POLR3G: variants seen among roughly 807,000 people sequenced by gnomAD.
POLR3G encodes the protein DNA-directed RNA polymerase III subunit RPC7.
A neutral mutation model predicts 30.1 loss-of-function variants in POLR3G; 28 were observed. The observed-to-expected ratio is 0.93, with a 90% CI of 0.69 to 1.27. The LOEUF (loss-of-function observed/expected upper bound fraction) is 1.27. Among genes scored for constraint, POLR3G ranks in the 50% most tolerant of loss-of-function variants. The pLI, the probability that POLR3G is intolerant of heterozygous loss-of-function variation, is 0.00. For missense variants in POLR3G, 254 were observed against 264.6 expected, an observed-to-expected ratio of 0.96 and a Z score of 0.28; for synonymous variants, 79 against 82.5, an observed-to-expected ratio of 0.96 and a Z score of 0.23.
At chr5:90,480,132 C>T (rs900845627) in intron 1 of POLR3G, among the ~76,000 whole-genome samples, 4 of 152,018 alleles carry the variant, frequency 2.6e-5, no homozygotes, top group African/African-American at 9.7e-5. Context: ...GAAATTGGGC[C>T]ATATGAAGTA....
intron 3 of POLR3G, among the ~76,000 whole-genome samples, chr5:90,489,639 T>C (rs1217022951): frequency 6.6e-6 from 1 of 152,192 alleles, no homozygotes; most frequent in East Asian, 1.9e-4. Context: ...ATAAAACTTT[T>C]CATTTTAAAG....
At chr5:90,495,127 G>A (rs909413353) in intron 3 of POLR3G, among the ~76,000 whole-genome samples, 4 of 152,132 alleles carry the variant, frequency 2.6e-5, no homozygotes, top group African/African-American at 4.8e-5. Flanking sequence ...TCTCTAATAC[G>A]TGGTTGTATT....
chr5:90,507,563 A>T (rs542055356), intron 7 of POLR3G, among the ~76,000 whole-genome samples: 1 of 152,186 alleles, frequency 6.6e-6, no homozygotes, highest in Non-Finnish European at 1.5e-5. Context: ...GGTATCAGCT[A>T]TTAGATTCTC....
intron 1 of POLR3G, among the ~76,000 whole-genome samples, chr5:90,479,554 A>T: frequency 6.6e-6 from 1 of 152,206 alleles, no homozygotes; most frequent in East Asian, 1.9e-4. Context: ...CAAAAGTGGT[A>T]TTCTATTTCT....
chr5:90,501,063 A>G (rs1296043708), intron 5 of POLR3G, among the ~76,000 whole-genome samples: 1 of 152,160 alleles, frequency 6.6e-6, no homozygotes, highest in Non-Finnish European at 1.5e-5. Flanking sequence ...AGCCATTACA[A>G]CATTTTATTT....
At chr5:90,492,707 C>T (rs1462986301) in intron 3 of POLR3G, among the ~76,000 whole-genome samples, 2 of 151,616 alleles carry the variant, frequency 1.3e-5, no homozygotes, top group African/African-American at 4.9e-5. Flanking sequence ...ATGGTGAAAC[C>T]CCGTCTCTAC....
At chr5:90,474,451 G>A (rs1041147334), upstream of POLR3G, 7 of 664,466 alleles carry the variant, frequency 1.1e-5, no homozygotes, top group Non-Finnish European at 1.8e-5. Context: ...GTCGGAATAG[G>A]AGGAGGAAGG....
At chr5:90,502,480 AT>A (rs1752292168) in intron 6 of POLR3G, 1 of 667,042 alleles carries the variant, frequency 1.5e-6, no homozygotes, top group Non-Finnish European at 1.8e-6. Context: ...AAATAAAAAA[AT>A]GTAGATTCAG....
At chr5:90,495,284 G>A (rs188523074) in intron 3 of POLR3G, among the ~76,000 whole-genome samples, 129 of 152,252 alleles carry the variant, frequency 8.5e-4, no homozygotes, top group African/African-American at 3.0e-3. Flanking sequence ...AAGCTTTTGT[G>A]TGATAGTGTT....
chr5:90,491,820 A>G (rs1751740503), intron 3 of POLR3G, among the ~76,000 whole-genome samples: 1 of 152,184 alleles, frequency 6.6e-6, no homozygotes, highest in African/African-American at 2.4e-5. Flanking sequence ...AAAAAAGAAT[A>G]AATTTAAAAA....
intron 2 of POLR3G, among the ~76,000 whole-genome samples, chr5:90,485,992 T>C (rs1042650016): frequency 1.3e-5 from 2 of 152,208 alleles, no homozygotes; most frequent in East Asian, 3.8e-4. Context: ...GTTTTAAAAG[T>C]CATTAGGTTT....
At chr5:90,485,246 G>A (rs1751378517) in intron 1 of POLR3G, among the ~76,000 whole-genome samples, 1 of 152,152 alleles carries the variant, frequency 6.6e-6, no homozygotes, top group Non-Finnish European at 1.5e-5. Flanking sequence ...TTACATCTGA[G>A]ATCCTACTGC....
At chr5:90,474,056 G>C (rs35599358), upstream of POLR3G, 1,390 of 1,583,162 alleles carry the variant, frequency 8.8e-4, 14 homozygotes, top group African/African-American at 0.017. Context: ...GGGTGGCCAC[G>C]GCAAGCAGTG....
At chr5:90,500,601 A>G (rs1438993638) in intron 5 of POLR3G, among the ~76,000 whole-genome samples, 2 of 152,086 alleles carry the variant, frequency 1.3e-5, no homozygotes, top group African/African-American at 4.8e-5. Context: ...TTTGCCCTCG[A>G]GGGGGTCAGA....
intron 3 of POLR3G, among the ~76,000 whole-genome samples, chr5:90,489,355 T>C (rs996070957): frequency 9.2e-5 from 14 of 151,810 alleles, no homozygotes; most frequent in African/African-American, 3.4e-4. Flanking sequence ...AACCTCCGCT[T>C]CCTGGGTTCA....
chr5:90,478,343 C>T (rs1034226773), intron 1 of POLR3G, among the ~76,000 whole-genome samples: 1 of 152,020 alleles, frequency 6.6e-6, no homozygotes, highest in African/African-American at 2.4e-5. Flanking sequence ...GTCTGTTTTG[C>T]AGTTATTAAT....
At chr5:90,504,083 CTT>C (rs1752374355) in intron 6 of POLR3G, among the ~76,000 whole-genome samples, 1 of 151,938 alleles carries the variant, frequency 6.6e-6, no homozygotes, top group Non-Finnish European at 1.5e-5. Context: ...ATATATGTGG[CTT>C]TGAGATCAAT....
intron 3 of POLR3G, among the ~76,000 whole-genome samples, chr5:90,488,590 C>T (rs1489822402): frequency 1.3e-5 from 2 of 152,038 alleles, no homozygotes; most frequent in Non-Finnish European, 2.9e-5. Context: ...GTAGTCTACT[C>T]TGTGGATATA....
chr5:90,511,757 G>T (rs967147868), intron 7 of POLR3G, among the ~76,000 whole-genome samples: 1 of 152,002 alleles, frequency 6.6e-6, no homozygotes, highest in South Asian at 2.1e-4. Flanking sequence ...CATTTTTTGG[G>T]TAAGTGTTTA....
Sources: gnomAD v4.1 joint callset for allele counts (sites outside exome capture counted in the v4.1 genomes callset) on GRCh38, gnomAD v4.1.1 for gene constraint, MANE v1.5 for transcripts, NCBI Gene and HGNC (gene_info 2026-07-23, HGNC 2026-07-21) for gene names.